LRRC4C: variants seen among roughly 807,000 people sequenced by gnomAD.
LRRC4C encodes the protein leucine rich repeat containing 4C.
In LRRC4C, 5 loss-of-function variants were observed where a neutral mutation model predicts 33.6. The observed-to-expected ratio is 0.15, with a 90% CI of 0.08 to 0.31. The LOEUF (loss-of-function observed/expected upper bound fraction) is 0.31. Ranked by LOEUF, LRRC4C falls within the 10% of genes least tolerant of loss-of-function variation. The pLI is 1.00. For missense variants in LRRC4C, 560 were observed against 796.7 expected (o/e 0.70, Z 3.58); for synonymous variants, 329 against 302.0 (o/e 1.09, Z -0.93).
intron 1 of LRRC4C, among the ~76,000 whole-genome samples, chr11:41,320,843 C>T (rs1950936909): frequency 6.6e-6 from 1 of 152,130 alleles, no homozygotes; most frequent in African/African-American, 2.4e-5. Context: ...GAAGAATCTA[C>T]CTCCCAACAC....
chr11:41,169,498 C>T (rs1263392662), intron 1 of LRRC4C, among the ~76,000 whole-genome samples: 1 of 152,092 alleles, frequency 6.6e-6, no homozygotes, highest in Non-Finnish European at 1.5e-5. Flanking sequence ...GATGGGAACA[C>T]ATCAATATAA....
chr11:40,488,248 C>T (rs1338045027), intron 3 of LRRC4C, among the ~76,000 whole-genome samples: 1 of 151,944 alleles, frequency 6.6e-6, no homozygotes, highest in African/African-American at 2.4e-5. Flanking sequence ...TCAAACCATT[C>T]GAAATCAAAA....
At chr11:41,350,124 A>T (rs192635238) in intron 1 of LRRC4C, among the ~76,000 whole-genome samples, 1 of 152,342 alleles carries the variant, frequency 6.6e-6, no homozygotes, top group African/African-American at 2.4e-5. Flanking sequence ...TCTTGGTATT[A>T]TTATGAAATA....
chr11:40,602,861 A>G (rs540249970), intron 3 of LRRC4C, among the ~76,000 whole-genome samples: 12 of 152,266 alleles, frequency 7.9e-5, no homozygotes, highest in Non-Finnish European at 7.4e-5. Flanking sequence ...GCCTCTTATC[A>G]TGATTTTTGA....
At chr11:41,105,887 TA>T (rs1205357934) in intron 1 of LRRC4C, among the ~76,000 whole-genome samples, 2 of 152,156 alleles carry the variant, frequency 1.3e-5, no homozygotes, top group Non-Finnish European at 2.9e-5. Context: ...AGGACTTTTC[TA>T]AACATGATAT....
intron 1 of LRRC4C, among the ~76,000 whole-genome samples, chr11:41,217,762 T>C (rs1947123446): frequency 6.6e-6 from 1 of 152,152 alleles, no homozygotes; most frequent in Admixed American, 6.6e-5. Flanking sequence ...GCTTCTGTGA[T>C]GAATATGTTA....
chr11:40,611,973 A>T (rs368529821), intron 3 of LRRC4C, among the ~76,000 whole-genome samples: 28 of 150,208 alleles, frequency 1.9e-4, no homozygotes, highest in African/African-American at 6.6e-4. Context: ...TGTCTGAAAC[A>T]GTCTGGGTCT....
At chr11:41,408,088 G>A (rs1412155461) in intron 1 of LRRC4C, among the ~76,000 whole-genome samples, 1 of 152,100 alleles carries the variant, frequency 6.6e-6, no homozygotes, top group Non-Finnish European at 1.5e-5. Flanking sequence ...GGCATTATTA[G>A]TCTCAATTTA....
intron 1 of LRRC4C, among the ~76,000 whole-genome samples, chr11:41,363,561 TA>T (rs1199199616): frequency 1.3e-5 from 2 of 152,264 alleles, no homozygotes; most frequent in Non-Finnish European, 2.9e-5. Context: ...TTAAATCAAG[TA>T]GATGATTTAC....
chr11:41,304,545 G>A lies in LRRC4C; in HGVS notation c.-496+154886C>T, dbSNP rs1312398835. ...AGGTGGGGGTATCAGCCCCCCGCCC[G>A]GCCAGCCGCCCCGTCTGGGAGGGAG... is the stretch of plus-strand genomic sequence containing the variant. On this transcript the variant is annotated intron_variant, in intron 1 of 6. Coordinates refer to ENST00000528697, the MANE Select transcript of LRRC4C (RefSeq NM_001258419.2). Among the ~76,000 whole-genome samples the A allele has an allele frequency of 6.6e-5, 7 of 106,702 alleles. No homozygotes were observed. In the South Asian group the frequency reaches 1.1e-3, roughly 17 times the overall value. The allele number at this position is 106,702 out of a possible 152,430, so 70.0% of individuals were successfully genotyped here.
chr11:40,471,909 T>C (rs1952958285), intron 3 of LRRC4C, among the ~76,000 whole-genome samples: 1 of 152,162 alleles, frequency 6.6e-6, no homozygotes. Context: ...ACCACATAAT[T>C]GGAAGTAAAA....
At chr11:40,301,560 C>A (rs1372828558) in intron 4 of LRRC4C, among the ~76,000 whole-genome samples, 1 of 152,172 alleles carries the variant, frequency 6.6e-6, no homozygotes, top group Non-Finnish European at 1.5e-5. Flanking sequence ...TTAGCATCAG[C>A]CATGCAGTGC....
chr11:41,172,468 G>T (rs1330690971), intron 1 of LRRC4C, among the ~76,000 whole-genome samples: 2 of 152,172 alleles, frequency 1.3e-5, no homozygotes, highest in African/African-American at 4.8e-5. Context: ...TCCTTCAAAG[G>T]TCACTTCTCC....
chr11:40,985,420 T>TCTA (rs1852928985), intron 1 of LRRC4C, among the ~76,000 whole-genome samples: 1 of 152,150 alleles, frequency 6.6e-6, no homozygotes, highest in African/African-American at 2.4e-5. Flanking sequence ...GCTTTTTCTT[T>TCTA]TTTATTTTCT....
rs368484900 is a variant in LRRC4C, at chr11:40,477,147, T to C, written c.-269-157426A>G. ...TGCCATTAAATTTGGGGAATTCACC[T>C]ATGAAAGGAGACATTTGAGCTGGGT... On this transcript the variant is annotated intron_variant, in intron 3 of 6. Coordinates refer to ENST00000528697, the MANE Select transcript of LRRC4C (RefSeq NM_001258419.2). 1.1e-4 allele frequency among the ~76,000 whole-genome samples: 16 copies of C among 152,350 alleles called. 1 individual carries two copies. In the East Asian group the frequency reaches 1.9e-3, roughly 18 times the overall value.
intron 3 of LRRC4C, among the ~76,000 whole-genome samples, chr11:40,431,851 A>G (rs1242930188): frequency 1.3e-5 from 2 of 152,192 alleles, no homozygotes; most frequent in East Asian, 1.9e-4. Flanking sequence ...GGACTTTCCT[A>G]TTCCAGGGAC....
intron 3 of LRRC4C, among the ~76,000 whole-genome samples, chr11:40,610,701 A>T (rs1383559998): frequency 6.6e-6 from 1 of 151,932 alleles, no homozygotes; most frequent in African/African-American, 2.4e-5. Context: ...TCAACATATA[A>T]AAATCGGTTG....
intron 2 of LRRC4C, among the ~76,000 whole-genome samples, chr11:40,774,161 A>C (rs1034804853): frequency 3.3e-5 from 5 of 152,030 alleles, no homozygotes; most frequent in Non-Finnish European, 7.4e-5. Context: ...AGTTTCCTCC[A>C]TTTTGTAGCA....
At chr11:40,310,110 C>T (rs1232033470) in intron 4 of LRRC4C, among the ~76,000 whole-genome samples, 1 of 152,126 alleles carries the variant, frequency 6.6e-6, no homozygotes, top group Admixed American at 6.5e-5. Flanking sequence ...CCCCCCACTT[C>T]TCCACTTATT....
Sources: allele counts gnomAD v4.1 joint callset (sites outside exome capture counted in the v4.1 genomes callset), GRCh38; gene constraint gnomAD v4.1.1; transcripts MANE v1.5; gene names NCBI Gene and HGNC (gene_info 2026-07-23, HGNC 2026-07-21).